HDAC9: variants seen among roughly 807,000 people sequenced by gnomAD.
HDAC9 encodes the protein histone deacetylase 9.
In HDAC9, 41 loss-of-function variants were observed where a neutral mutation model predicts 139.4. The observed-to-expected ratio is 0.29, with a 90% confidence interval of 0.23 to 0.38. The LOEUF is 0.38. Among genes scored for constraint, HDAC9 ranks in the 10% least tolerant of loss-of-function variants. HDAC9 has a pLI of 1.00. For synonymous variants in HDAC9, 517 were observed against 476.2 expected (o/e 1.09, Z -1.12); for missense variants, 1,147 against 1,297.0 (o/e 0.88, Z 1.78).
chr7:18,771,534 G>C (rs1425652256), intron 16 of HDAC9, among the ~76,000 whole-genome samples: 2 of 147,524 alleles, frequency 1.4e-5, no homozygotes, highest in Admixed American at 1.3e-4. Flanking sequence ...TAAATTTACA[G>C]ATATGTGTGT....
chr7:18,106,208 G>A (rs1742343915), intron 1 of HDAC9, among the ~76,000 whole-genome samples: 1 of 152,070 alleles, frequency 6.6e-6, no homozygotes, highest in African/African-American at 2.4e-5. Flanking sequence ...TAAATTTTTA[G>A]GTATGTGAAT....
At chr7:18,362,250 G>A (rs772602713) in intron 1 of HDAC9, among the ~76,000 whole-genome samples, 9 of 152,152 alleles carry the variant, frequency 5.9e-5, no homozygotes, top group Non-Finnish European at 1.2e-4. Flanking sequence ...TGCAGAGATC[G>A]TAGGATTCTA....
intron 1 of HDAC9, among the ~76,000 whole-genome samples, chr7:18,453,360 C>A (rs909611522): frequency 6.6e-6 from 1 of 152,032 alleles, no homozygotes; most frequent in Non-Finnish European, 1.5e-5. Context: ...AGCTAAAATC[C>A]ATTTAGTTAA....
At chr7:18,646,927 T>G (rs1216439148) in intron 9 of HDAC9, among the ~76,000 whole-genome samples, 1 of 152,140 alleles carries the variant, frequency 6.6e-6, no homozygotes, top group East Asian at 1.9e-4. Flanking sequence ...ATTTAGAGAT[T>G]TGGGTATCTG....
chr7:18,229,006 G>A (rs1412322516), intron 2 of HDAC9, among the ~76,000 whole-genome samples: 1 of 152,098 alleles, frequency 6.6e-6, no homozygotes, highest in African/African-American at 2.4e-5. Flanking sequence ...GCAGTTTCAT[G>A]GGGCCCTCTT....
intron 12 of HDAC9, among the ~76,000 whole-genome samples, chr7:18,697,226 T>C (rs759281347): frequency 3.3e-5 from 5 of 152,174 alleles, no homozygotes; most frequent in Non-Finnish European, 5.9e-5. Flanking sequence ...GATGAGATGC[T>C]CATCATGACG....
chr7:18,741,918 A>C (rs1374484431), intron 13 of HDAC9, among the ~76,000 whole-genome samples: 1 of 152,236 alleles, frequency 6.6e-6, no homozygotes, highest in East Asian at 1.9e-4. Flanking sequence ...AGAATTAGAA[A>C]TGGAACCTCA....
chr7:18,608,971 A>G (rs1260986904), intron 6 of HDAC9, among the ~76,000 whole-genome samples: 3 of 152,314 alleles, frequency 2.0e-5, no homozygotes, highest in African/African-American at 7.2e-5. Context: ...AAGCCACCCG[A>G]GGAATATAGC....
intron 2 of HDAC9, among the ~76,000 whole-genome samples, chr7:18,529,512 A>T (rs1808147526): frequency 6.6e-6 from 1 of 152,320 alleles, no homozygotes; most frequent in East Asian, 1.9e-4. Flanking sequence ...AAGTAGATTG[A>T]GGAAGTTAGT....
At chr7:18,987,532 T>C (rs1298889604) in intron 25 of HDAC9, among the ~76,000 whole-genome samples, 2 of 152,228 alleles carry the variant, frequency 1.3e-5, no homozygotes, top group Non-Finnish European at 2.9e-5. Context: ...AATTCTCTTT[T>C]TTGGTTGTGT....
chr7:18,634,000 G>T (rs1485318825), intron 7 of HDAC9, among the ~76,000 whole-genome samples: 1 of 151,968 alleles, frequency 6.6e-6, no homozygotes, highest in East Asian at 1.9e-4. Context: ...GTTAAATTTA[G>T]GCAACTTCTC....
intron 2 of HDAC9, among the ~76,000 whole-genome samples, chr7:18,284,055 G>A (rs1222077232): frequency 6.6e-6 from 1 of 152,098 alleles, no homozygotes; most frequent in African/African-American, 2.4e-5. Flanking sequence ...ATTTCCTTAA[G>A]TGCTACCATA....
At chr7:18,516,836 G>T (rs1037539877) in intron 2 of HDAC9, among the ~76,000 whole-genome samples, 4 of 148,150 alleles carry the variant, frequency 2.7e-5, no homozygotes, top group Admixed American at 2.7e-4. Context: ...ACTCCAGCCT[G>T]GGTGACAGAG....
chr7:18,140,466 C>G (rs1327389603), intron 1 of HDAC9, among the ~76,000 whole-genome samples: 1 of 152,090 alleles, frequency 6.6e-6, no homozygotes, highest in Non-Finnish European at 1.5e-5. Flanking sequence ...TAGACTAGAT[C>G]CAGATTTTAT....
intron 12 of HDAC9, among the ~76,000 whole-genome samples, chr7:18,702,342 A>G (rs1278974926): frequency 6.6e-6 from 1 of 152,214 alleles, no homozygotes; most frequent in Non-Finnish European, 1.5e-5. Flanking sequence ...TTAAGGCACA[A>G]AAGCCAAAAC....
At chr7:18,257,388 CT>C (rs1263285432) in intron 2 of HDAC9, among the ~76,000 whole-genome samples, 7 of 143,808 alleles carry the variant, frequency 4.9e-5, no homozygotes, top group Admixed American at 1.4e-4. Context: ...CTCTCTCTCT[CT>C]CTCTGTCTCT....
At chr7:18,858,322 G>A (rs1797843874) in intron 21 of HDAC9, among the ~76,000 whole-genome samples, 1 of 152,154 alleles carries the variant, frequency 6.6e-6, no homozygotes, top group South Asian at 2.1e-4. Context: ...TGTTCTGCAT[G>A]GCTAGGCAAG....
chr7:18,871,258 C>T (rs567557586), intron 21 of HDAC9, among the ~76,000 whole-genome samples: 15 of 152,096 alleles, frequency 9.9e-5, no homozygotes, highest in Non-Finnish European at 2.1e-4. Context: ...TTGACATGTC[C>T]ATGTCTCTTT....
intron 1 of HDAC9, among the ~76,000 whole-genome samples, chr7:18,451,531 T>C (rs1441954967): frequency 6.6e-6 from 1 of 151,860 alleles, no homozygotes; most frequent in Middle Eastern, 3.4e-3. Flanking sequence ...AGAATCTCGA[T>C]TGGCCAGGAG....
Sources: allele counts gnomAD v4.1 joint callset (sites outside exome capture counted in the v4.1 genomes callset), GRCh38; gene constraint gnomAD v4.1.1; transcripts MANE v1.5; gene names NCBI Gene and HGNC (gene_info 2026-07-23, HGNC 2026-07-21).